Variants in FBXL17 observed in about 807,000 individuals in gnomAD.
The protein encoded by FBXL17 is F-box/LRR-repeat protein 17.
In FBXL17, 22 loss-of-function variants were observed where a neutral mutation model predicts 66.2. The observed-to-expected ratio is 0.33, with a 90% CI of 0.24 to 0.47. The LOEUF (loss-of-function observed/expected upper bound fraction) is 0.47. Ranked by LOEUF, FBXL17 falls within the 20% of genes least tolerant of loss-of-function variation. FBXL17 has a pLI of 1.00. For synonymous variants in FBXL17, 474 were observed against 400.5 expected (o/e 1.18, Z -2.19); for missense variants, 878 against 948.2 (o/e 0.93, Z 0.97).
chr5:107,931,933 C>T (rs922831046), intron 7 of FBXL17, among the ~76,000 whole-genome samples: 1 of 152,142 alleles, frequency 6.6e-6, no homozygotes, highest in Non-Finnish European at 1.5e-5. Flanking sequence ...GAATCACTAG[C>T]TTATTAATCA....
chr5:108,288,401 G>A (rs1580750559), intron 4 of FBXL17, among the ~76,000 whole-genome samples: 2 of 151,842 alleles, frequency 1.3e-5, no homozygotes, highest in East Asian at 3.9e-4. Flanking sequence ...CTGGCCCGAT[G>A]TAAGGTTGCC....
chr5:108,051,981 C>T (rs546053900), intron 6 of FBXL17, among the ~76,000 whole-genome samples: 17 of 151,856 alleles, frequency 1.1e-4, no homozygotes, highest in East Asian at 5.8e-4. Flanking sequence ...GGTCTGGTGG[C>T]GGGCTCCTGT....
chr5:108,203,288 A>G (rs981902816), intron 5 of FBXL17, among the ~76,000 whole-genome samples: 3 of 151,950 alleles, frequency 2.0e-5, no homozygotes, highest in Admixed American at 1.3e-4. Flanking sequence ...TCTTTTACAG[A>G]TGAGGAAACT....
chr5:107,893,393 T>G (rs906963078), intron 7 of FBXL17, among the ~76,000 whole-genome samples: 4 of 152,198 alleles, frequency 2.6e-5, no homozygotes, highest in African/African-American at 4.8e-5. Flanking sequence ...AGATTCAGCA[T>G]GAAGCTAATG....
intron 6 of FBXL17, among the ~76,000 whole-genome samples, chr5:108,126,342 T>A (rs998367312): frequency 6.6e-6 from 1 of 152,074 alleles, no homozygotes; most frequent in Non-Finnish European, 1.5e-5. Context: ...TTCACTCACT[T>A]CCCTCTATTT....
intron 7 of FBXL17, among the ~76,000 whole-genome samples, chr5:107,939,103 T>C (rs917792792): frequency 2.0e-5 from 3 of 152,188 alleles, no homozygotes; most frequent in Non-Finnish European, 4.4e-5. Context: ...GAATGAGTCA[T>C]GAATGATCAT....
chr5:108,122,789 G>A (rs1010159335), intron 6 of FBXL17, among the ~76,000 whole-genome samples: 5 of 152,150 alleles, frequency 3.3e-5, no homozygotes, highest in Admixed American at 6.6e-5. Context: ...TGCCCAGACA[G>A]CACTGCCTCT....
chr5:108,341,790 T>C (rs367774328), intron 4 of FBXL17, among the ~76,000 whole-genome samples: 107 of 152,106 alleles, frequency 7.0e-4, no homozygotes, highest in African/African-American at 2.5e-3. Context: ...TATTAAGCAT[T>C]CCCCATATTT....
chr5:108,291,386 A>C (rs1176010317), intron 4 of FBXL17, among the ~76,000 whole-genome samples: 3 of 152,158 alleles, frequency 2.0e-5, no homozygotes, highest in Non-Finnish European at 4.4e-5. Flanking sequence ...CTTTTCCTTA[A>C]AACAACTTCA....
intron 5 of FBXL17, among the ~76,000 whole-genome samples, chr5:108,215,284 C>T (rs1262990136): frequency 1.3e-5 from 2 of 152,160 alleles, no homozygotes; most frequent in African/African-American, 4.8e-5. Flanking sequence ...GAGGAACTGC[C>T]AATCTGTTTT....
intron 4 of FBXL17, among the ~76,000 whole-genome samples, chr5:108,235,290 T>C (rs933974893): frequency 6.6e-6 from 1 of 152,196 alleles, no homozygotes; most frequent in Non-Finnish European, 1.5e-5. Flanking sequence ...AAACATATAC[T>C]TCTAATCCTT....
intron 4 of FBXL17, among the ~76,000 whole-genome samples, chr5:108,245,673 A>G (rs1756063266): frequency 6.6e-6 from 1 of 152,182 alleles, no homozygotes; most frequent in African/African-American, 2.4e-5. Flanking sequence ...TAAACTCTAC[A>G]AAGAAAACCA....
rs1749680419 is a variant in FBXL17, at chr5:108,103,569, T to C, written c.1745+82548A>G. Among the ~76,000 whole-genome samples, 3 of 147,840 alleles carry C rather than the reference T, an allele frequency of 2.0e-5. No homozygotes were observed. In the South Asian group the frequency reaches 6.3e-4, roughly 31 times the overall value. Reference sequence around the variant, plus strand: ...TGTGAGAATCAAAAGTAAACAAATATATGTCAAACAAAAAAAAAGATTAAT... The same window carrying C: ...TGTGAGAATCAAAAGTAAACAAATACATGTCAAACAAAAAAAAAGATTAAT... On this transcript the variant is annotated intron_variant, in intron 6 of 8. Coordinates refer to ENST00000542267, the MANE Select transcript of FBXL17 (RefSeq NM_001163315.3).
chr5:108,368,519 A>T (rs946476086), intron 1 of FBXL17, among the ~76,000 whole-genome samples: 2 of 152,140 alleles, frequency 1.3e-5, no homozygotes, highest in African/African-American at 4.8e-5. Context: ...GGGACATTCT[A>T]CAAAATACTG....
chr5:108,097,524 C>T (rs1247337534), intron 6 of FBXL17, among the ~76,000 whole-genome samples: 3 of 152,032 alleles, frequency 2.0e-5, no homozygotes, highest in African/African-American at 7.2e-5. Context: ...GGAGTGGTGG[C>T]TCACGCCTGT....
chr5:108,096,436 C>T (rs1051066570), intron 6 of FBXL17, among the ~76,000 whole-genome samples: 3 of 152,076 alleles, frequency 2.0e-5, no homozygotes, highest in South Asian at 2.1e-4. Context: ...CAATACCAAA[C>T]GTATGGAAGA....
intron 6 of FBXL17, among the ~76,000 whole-genome samples, chr5:108,045,725 T>C (rs1001524137): frequency 3.3e-5 from 5 of 152,228 alleles, no homozygotes; most frequent in Admixed American, 3.3e-4. Flanking sequence ...CTTTCACCTA[T>C]GAATTATTTA....
intron 4 of FBXL17, among the ~76,000 whole-genome samples, chr5:108,245,493 T>C (rs1756054018): frequency 6.6e-6 from 1 of 152,212 alleles, no homozygotes; most frequent in Admixed American, 6.5e-5. Flanking sequence ...AATTAGGTTA[T>C]ACATTTTTCA....
At chr5:108,203,214 T>C (rs574229400) in intron 5 of FBXL17, among the ~76,000 whole-genome samples, 6 of 152,200 alleles carry the variant, frequency 3.9e-5, no homozygotes, top group African/African-American at 1.4e-4. Context: ...ACCACTTCTT[T>C]AGTTATGTGC....
Sources: allele counts gnomAD v4.1 joint callset (sites outside exome capture counted in the v4.1 genomes callset), GRCh38; gene constraint gnomAD v4.1.1; transcripts MANE v1.5; gene names NCBI Gene and HGNC (gene_info 2026-07-23, HGNC 2026-07-21).